FOXO1: variants seen among roughly 807,000 people sequenced by gnomAD.
FOXO1 encodes forkhead box protein O1.
In FOXO1, 6 loss-of-function variants were observed where a neutral mutation model predicts 44.1. That is an observed-to-expected ratio of 0.14 (90% CI 0.07 to 0.27). FOXO1 has a LOEUF of 0.27. Ranked by LOEUF, FOXO1 falls within the 10% of genes least tolerant of loss-of-function variation. The pLI is 1.00. For missense variants in FOXO1, 737 were observed against 888.8 expected, an observed-to-expected ratio of 0.83 and a Z score of 2.17; for synonymous variants, 380 against 362.7, an observed-to-expected ratio of 1.05 and a Z score of -0.54.
intron 1 of FOXO1, among the ~76,000 whole-genome samples, chr13:40,630,450 T>C (rs1463871346): frequency 6.6e-6 from 1 of 152,088 alleles, no homozygotes; most frequent in Admixed American, 6.6e-5. Context: ...GGTCAGGAGT[T>C]GAAGACCAGC....
At chr13:40,559,141 G>A (rs1873878172) in intron 2 of FOXO1, 107 bp from the exon 3 acceptor site, 1 of 403,174 alleles carries the variant, frequency 2.5e-6, no homozygotes, top group Non-Finnish European at 4.4e-6. Flanking sequence ...GACATACTTA[G>A]GGGCAAAAAG....
chr13:40,560,617 A>T lies in FOXO1; in HGVS notation c.874T>A (p.Phe292Ile). ...CCAGGGCTTGCAGGCCATTTGGAAA[A>T]CTGTGATCCAGGGCTGTCCCCAGCA... Reference protein sequence around the residue: ...EGAGDSPGSQFSKWPASPGSH... With the variant: ...EGAGDSPGSQISKWPASPGSH... Residue 292 changes from phenylalanine (F) to isoleucine (I), a missense_variant, in exon 2 of 3, where the codon TTT (phenylalanine) becomes ATT (isoleucine). Coordinates refer to ENST00000379561, the MANE Select transcript of FOXO1 (RefSeq NM_002015.4). This position sits in a 1 kb window ranked among gnomAD's most constrained non-coding sequence, Gnocchi z 5.1. 3 of 1,614,118 alleles carry T rather than the reference A, an allele frequency of 1.9e-6. No homozygotes were observed. The highest frequency in any genetic ancestry group is 2.5e-6 in the Non-Finnish European group (3 of 1,180,014).
At chr13:40,628,760 T>TG (rs1876869628) in intron 1 of FOXO1, among the ~76,000 whole-genome samples, 1 of 152,132 alleles carries the variant, frequency 6.6e-6, no homozygotes, top group Non-Finnish European at 1.5e-5. Flanking sequence ...AAAACACTAC[T>TG]GGGAATCATT....
intron 1 of FOXO1, among the ~76,000 whole-genome samples, chr13:40,587,516 A>T (rs1875214429): frequency 6.6e-6 from 1 of 152,208 alleles, no homozygotes; most frequent in African/African-American, 2.4e-5. Flanking sequence ...CCCTTGCTTG[A>T]GGAGTCAAAT....
chr13:40,579,813 GGAT>G (rs975017202), intron 1 of FOXO1, among the ~76,000 whole-genome samples: 5 of 152,136 alleles, frequency 3.3e-5, no homozygotes, highest in African/African-American at 1.2e-4. Context: ...ATATGTGGTG[GGAT>G]CAGTGTAGAA....
intron 1 of FOXO1, among the ~76,000 whole-genome samples, chr13:40,657,893 A>T (rs2137941249): frequency 6.6e-6 from 1 of 152,324 alleles, no homozygotes; most frequent in African/African-American, 2.4e-5. Context: ...CTTTAGTTAT[A>T]CTACTTCTTA....
intron 1 of FOXO1, among the ~76,000 whole-genome samples, chr13:40,577,288 T>C (rs1442518363): frequency 1.3e-5 from 2 of 152,162 alleles, no homozygotes; most frequent in Non-Finnish European, 2.9e-5. Flanking sequence ...AATTCGATTA[T>C]AAACATTTTA....
chr13:40,590,298 C>T (rs1018835168), intron 1 of FOXO1, among the ~76,000 whole-genome samples: 3 of 152,180 alleles, frequency 2.0e-5, no homozygotes, highest in African/African-American at 4.8e-5. Flanking sequence ...GCAAACAAAA[C>T]AACACAACAG....
chr13:40,588,747 GA>G (rs1402331446), intron 1 of FOXO1, among the ~76,000 whole-genome samples: 1 of 152,152 alleles, frequency 6.6e-6, no homozygotes, highest in African/African-American at 2.4e-5. Flanking sequence ...CTCCTTGGTA[GA>G]ATAAAGGGCC....
intron 1 of FOXO1, among the ~76,000 whole-genome samples, chr13:40,594,711 G>A (rs1875512616): frequency 6.6e-6 from 1 of 152,016 alleles, no homozygotes; most frequent in Admixed American, 6.6e-5. Context: ...TTAGAGACAG[G>A]GTCTTGCTCT....
At chr13:40,577,109 A>AAT (rs1874780142) in intron 1 of FOXO1, among the ~76,000 whole-genome samples, 2 of 152,172 alleles carry the variant, frequency 1.3e-5, no homozygotes, top group Non-Finnish European at 2.9e-5. Context: ...GCTGTGGGGT[A>AAT]CTGCAGGGGC....
intron 1 of FOXO1, among the ~76,000 whole-genome samples, chr13:40,640,440 A>C (rs1202969981): frequency 6.6e-6 from 1 of 152,206 alleles, no homozygotes; most frequent in African/African-American, 2.4e-5. Flanking sequence ...TTTCTCAATG[A>C]GGGCGCTCCT....
chr13:40,569,431 G>A (rs897271721), intron 1 of FOXO1, among the ~76,000 whole-genome samples: 3 of 152,084 alleles, frequency 2.0e-5, no homozygotes, highest in Non-Finnish European at 4.4e-5. Flanking sequence ...AATAAACACT[G>A]GCTATTTTGT....
chr13:40,578,472 G>A (rs1226791791), intron 1 of FOXO1, among the ~76,000 whole-genome samples: 1 of 152,018 alleles, frequency 6.6e-6, no homozygotes, highest in Admixed American at 6.6e-5. Context: ...CTCCACCTTC[G>A]GGACAGTCTT....
At chr13:40,604,304 G>A (rs940233819) in intron 1 of FOXO1, among the ~76,000 whole-genome samples, 9 of 151,496 alleles carry the variant, frequency 5.9e-5, no homozygotes, top group African/African-American at 1.5e-4. Context: ...GTATATGTAT[G>A]TGCATGTACC....
chr13:40,623,943 TTTTTTTTTTAATTAGCC>T (rs1171582076), intron 1 of FOXO1, among the ~76,000 whole-genome samples: 1 of 149,802 alleles, frequency 6.7e-6, no homozygotes, highest in Non-Finnish European at 1.5e-5. Flanking sequence ...AAAAAATTTT[TTTTTTTTTTAATTAGCC>T]AGGCACGGTG....
chr13:40,644,285 C>T (rs1253251730), intron 1 of FOXO1, among the ~76,000 whole-genome samples: 3 of 152,194 alleles, frequency 2.0e-5, no homozygotes, highest in Non-Finnish European at 4.4e-5. Flanking sequence ...ATGTCCCCAA[C>T]AATCTGCGAT....
intron 1 of FOXO1, among the ~76,000 whole-genome samples, chr13:40,577,787 A>T (rs1874814667): frequency 6.6e-6 from 1 of 151,670 alleles, no homozygotes; most frequent in Non-Finnish European, 1.5e-5. Context: ...AACAGAGCCA[A>T]GCAGAACATA....
chr13:40,610,164 C>T (rs1354336258), intron 1 of FOXO1, among the ~76,000 whole-genome samples: 2 of 152,110 alleles, frequency 1.3e-5, no homozygotes, highest in Non-Finnish European at 2.9e-5. Flanking sequence ...CTCAGCTGCC[C>T]GTTTTTATTA....
Sources: allele counts gnomAD v4.1 joint callset (sites outside exome capture counted in the v4.1 genomes callset), GRCh38; gene constraint gnomAD v4.1.1; non-coding constraint Gnocchi (gnomAD v3.1); transcripts MANE v1.5; gene names NCBI Gene and HGNC (gene_info 2026-07-23, HGNC 2026-07-21).